Variants in ZFAND3 observed in about 807,000 individuals in gnomAD.
The protein encoded by ZFAND3 is AN1-type zinc finger protein 3.
In ZFAND3, 10 loss-of-function variants were observed where a neutral mutation model predicts 29.6. The ratio of observed to expected loss-of-function variants is 0.34; its 90% CI spans 0.21 to 0.57. ZFAND3 has a LOEUF of 0.57. ZFAND3 is among the 20% of genes least tolerant of loss of function. The pLI is 0.86. For synonymous variants in ZFAND3, 128 were observed against 112.6 expected, an observed-to-expected ratio of 1.14 and a Z score of -0.87; for missense variants, 230 against 304.5, an observed-to-expected ratio of 0.76 and a Z score of 1.82.
intron 2 of ZFAND3, among the ~76,000 whole-genome samples, chr6:38,047,219 G>A (rs1018353125): frequency 6.6e-5 from 10 of 151,856 alleles, no homozygotes; most frequent in African/African-American, 2.2e-4. Flanking sequence ...GGAGGCTGAG[G>A]CAGGAGAATC....
Position 37,827,749 on chromosome 6 carries a change from C to G in ZFAND3, c.71+7733C>G, listed in dbSNP as rs1441916258. Among the ~76,000 whole-genome samples the G allele has an allele frequency of 1.3e-5, 2 of 152,216 alleles. 1 individual carries two copies. Among genetic ancestry groups the G allele is most frequent in the South Asian group, 4.1e-4 (2 of 4,832 alleles). On this transcript the variant is annotated intron_variant, in intron 1 of 5. Transcript: ENST00000287218. ...AGCTATTAACTCGAGGGATGATGTA[C>G]TAGCTAACTACATCTGTTCATTTAG... is the stretch of plus-strand genomic sequence containing the variant.
chr6:37,828,482 C>T (rs1268560141), intron 1 of ZFAND3, among the ~76,000 whole-genome samples: 1 of 152,090 alleles, frequency 6.6e-6, no homozygotes, highest in East Asian at 1.9e-4. Context: ...ACATAAAGTA[C>T]ATTGAGTAGT....
intron 3 of ZFAND3, among the ~76,000 whole-genome samples, chr6:38,065,983 A>G (rs748589068): frequency 1.8e-4 from 28 of 152,160 alleles, no homozygotes; most frequent in Non-Finnish European, 1.2e-4. Context: ...CTTTTTGACT[A>G]CATATGTCTC....
intron 2 of ZFAND3, among the ~76,000 whole-genome samples, chr6:37,987,017 G>A (rs1225030545): frequency 2.0e-5 from 3 of 152,180 alleles, no homozygotes; most frequent in African/African-American, 7.2e-5. Context: ...TGAATATAGG[G>A]CAATGATTTA....
At chr6:37,996,178 G>A (rs1375583432) in intron 2 of ZFAND3, among the ~76,000 whole-genome samples, 3 of 151,324 alleles carry the variant, frequency 2.0e-5, no homozygotes, top group African/African-American at 7.3e-5. Context: ...AGAAGAAAAG[G>A]AATTTTAAGT....
At chr6:37,989,735 C>T (rs1762728864) in intron 2 of ZFAND3, among the ~76,000 whole-genome samples, 1 of 152,196 alleles carries the variant, frequency 6.6e-6, no homozygotes, top group Non-Finnish European at 1.5e-5. Flanking sequence ...GGTTCAGGAA[C>T]AGCCAAGAAG....
chr6:38,068,172 G>A lies in ZFAND3; in HGVS notation c.295+6397G>A, dbSNP rs79797012. On this transcript the variant is annotated intron_variant, in intron 3 of 5. Transcript: ENST00000287218. ...TTACATAAAACTATAGTTTACAACA[G>A]GGGTTGACAAGCTATAGCCTACAGG... Among the ~76,000 whole-genome samples the A allele has an allele frequency of 0.017, 2,542 of 152,256 alleles. 253 individuals carry two copies. The East Asian group carries it at 0.28, about 17-fold the overall frequency.
chr6:37,885,188 T>TG, intron 1 of ZFAND3, among the ~76,000 whole-genome samples: 1 of 152,006 alleles, frequency 6.6e-6, no homozygotes, highest in Non-Finnish European at 1.5e-5. Flanking sequence ...GAGACAAGAT[T>TG]GGGAAAAAAG....
At chr6:38,103,477 AT>A (rs1369818426) in intron 4 of ZFAND3, among the ~76,000 whole-genome samples, 1 of 25,364 alleles carries the variant, frequency 3.9e-5, no homozygotes, top group East Asian at 8.5e-4. Flanking sequence ...GTGTATATAT[AT>A]ACACACATAT....
At chr6:37,935,693 A>G (rs1476666374) in intron 2 of ZFAND3, among the ~76,000 whole-genome samples, 1 of 152,216 alleles carries the variant, frequency 6.6e-6, no homozygotes, top group Admixed American at 6.5e-5. Context: ...GTATATTACT[A>G]TTATGATTTT....
chr6:38,010,198 C>CA (rs754545727), intron 2 of ZFAND3, among the ~76,000 whole-genome samples: 1 of 152,186 alleles, frequency 6.6e-6, no homozygotes, highest in Non-Finnish European at 1.5e-5. Flanking sequence ...AGGGCGCACT[C>CA]ACAGTCACTC....
chr6:38,003,586 C>G (rs935281630), intron 2 of ZFAND3: 1 of 246,554 alleles, frequency 4.1e-6, no homozygotes, highest in African/African-American at 2.4e-5. Flanking sequence ...GCAACCCCTG[C>G]CTCTTGGGCT....
chr6:37,895,728 T>C (rs1316540377), intron 1 of ZFAND3, among the ~76,000 whole-genome samples: 1 of 152,170 alleles, frequency 6.6e-6, no homozygotes, highest in East Asian at 1.9e-4. Flanking sequence ...TTGTGAACTT[T>C]ACCTTGTTTT....
chr6:38,100,859 T>C (rs1039426160), intron 4 of ZFAND3, among the ~76,000 whole-genome samples: 1 of 152,266 alleles, frequency 6.6e-6, no homozygotes, highest in South Asian at 2.1e-4. Context: ...TCTCGCCCTC[T>C]TTGTGTCTGT....
At chr6:38,003,911 C>A in intron 2 of ZFAND3, 1 of 329,584 alleles carries the variant, frequency 3.0e-6, no homozygotes, top group South Asian at 2.2e-5. Context: ...CTGCTGCCAT[C>A]ACCTTCTGTC....
chr6:38,140,312 C>A (rs1352147697), intron 5 of ZFAND3, among the ~76,000 whole-genome samples: 1 of 151,998 alleles, frequency 6.6e-6, no homozygotes, highest in Non-Finnish European at 1.5e-5. Flanking sequence ...AAAAGAAGGT[C>A]CAGCACTGAA....
At chr6:37,861,672 A>G (rs1244392589) in intron 1 of ZFAND3, among the ~76,000 whole-genome samples, 2 of 152,240 alleles carry the variant, frequency 1.3e-5, no homozygotes, top group Admixed American at 1.3e-4. Context: ...TTCATCCTCC[A>G]TATATCTGGC....
In ZFAND3 at chr6:37,880,399, G is replaced by A. The variant is rs188989060; in HGVS notation, c.72-49560G>A. On this transcript the variant is annotated intron_variant, in intron 1 of 5. Transcript: ENST00000287218. ...TCTCCCACTAAAATTTTACCTGACA[G>A]TGAGGTCAGTCAAACAATGGAATAA... 3.3e-5 allele frequency among the ~76,000 whole-genome samples: 5 copies of A among 152,276 alleles called. 1 individual carries two copies. The highest frequency in any genetic ancestry group is 7.2e-5 in the African/African-American group (3 of 41,552).
At chr6:37,825,586 G>C (rs1763743978) in intron 1 of ZFAND3, among the ~76,000 whole-genome samples, 1 of 151,970 alleles carries the variant, frequency 6.6e-6, no homozygotes, top group Non-Finnish European at 1.5e-5. Context: ...GCTTTTTAGA[G>C]TTAGGTCCAG....
Sources: allele counts gnomAD v4.1 joint callset (sites outside exome capture counted in the v4.1 genomes callset), GRCh38; gene constraint gnomAD v4.1.1; transcripts MANE v1.5; gene names NCBI Gene and HGNC (gene_info 2026-07-23, HGNC 2026-07-21).